Variants in DPP6 observed in about 807,000 individuals in gnomAD.
DPP6 encodes dipeptidyl peptidase like 6.
DPP6 carries 69 observed loss-of-function variants against 122.6 expected under a neutral mutation model. The observed-to-expected ratio is 0.56, with a 90% CI of 0.46 to 0.69. DPP6 has a LOEUF of 0.69. DPP6 is among the 30% of genes least tolerant of loss of function. DPP6 has a pLI of 0.00. For synonymous variants in DPP6, 418 were observed against 433.1 expected, an observed-to-expected ratio of 0.97 and a Z score of 0.43; for missense variants, 928 against 1,116.9, an observed-to-expected ratio of 0.83 and a Z score of 2.41.
chr7:154,180,967 A>G (rs1798054317), intron 1 of DPP6, among the ~76,000 whole-genome samples: 1 of 152,210 alleles, frequency 6.6e-6, no homozygotes, highest in Non-Finnish European at 1.5e-5. Flanking sequence ...GACTCTTTAA[A>G]GAGGAAATAC....
At position 154,540,764 on chromosome 7, in the gene DPP6, C is replaced by T. The variant is rs368134781; in HGVS notation, c.552+138C>T. 6.6e-4 allele frequency: 375 copies of T among 569,474 alleles called. 6 individuals are homozygous for T. The South Asian group carries it at 6.6e-3, about 10-fold the overall frequency. The allele number at this position is 569,474 out of a possible 1,614,324, so 35.3% of individuals were successfully genotyped here. ...ACTTGTAATACTACAGGCTGAGCAA[C>T]CAAAGATAATGTGAAATTGAAACCA... On this transcript the variant is annotated intron_variant, in intron 4 of 25. Coordinates refer to ENST00000377770, the MANE Select transcript of DPP6 (RefSeq NM_130797.4).
At chr7:153,947,882 C>T (rs1234339320) in intron 1 of DPP6, among the ~76,000 whole-genome samples, 2 of 152,158 alleles carry the variant, frequency 1.3e-5, no homozygotes, top group Non-Finnish European at 2.9e-5. Context: ...GTCCTTCCTG[C>T]GCCTGACACT....
At position 154,640,174 on chromosome 7, in the gene DPP6, C is replaced by T. The variant is rs190070326; in HGVS notation, c.680+2301C>T. On this transcript the variant is annotated intron_variant, in intron 6 of 25. Coordinates refer to ENST00000377770, the MANE Select transcript of DPP6 (RefSeq NM_130797.4). ...GGCTGAGGCAGGAGAATCGCTTGAACCTGGGAGGCTAGAGGTTGCAGTGAG... is the reference window on the plus strand; with the variant it reads ...GGCTGAGGCAGGAGAATCGCTTGAATCTGGGAGGCTAGAGGTTGCAGTGAG... 7.6e-4 allele frequency among the ~76,000 whole-genome samples: 116 copies of T among 152,272 alleles called. 1 individual carries two copies. In the East Asian group the frequency reaches 0.013, roughly 17 times the overall value.
intron 1 of DPP6, among the ~76,000 whole-genome samples, chr7:154,407,205 T>C (rs936604657): frequency 6.6e-6 from 1 of 152,214 alleles, no homozygotes; most frequent in Non-Finnish European, 1.5e-5. Flanking sequence ...TTCCTCCCCA[T>C]GTTTAAATTT....
chr7:154,282,308 T>G lies in DPP6; in HGVS notation c.244-163906T>G, dbSNP rs1042241921. ...ATTCAATAGCCTGCATGCAGGGACATGCTTCTCAGGTGGCCTCTGGATACA... is the reference window on the plus strand; with the variant it reads ...ATTCAATAGCCTGCATGCAGGGACAGGCTTCTCAGGTGGCCTCTGGATACA... On this transcript the variant is annotated intron_variant, in intron 1 of 25. Coordinates refer to ENST00000377770, the MANE Select transcript of DPP6 (RefSeq NM_130797.4). The surrounding 1 kb of genome is among the most constrained non-coding windows in gnomAD (Gnocchi z 4.8). 2.0e-5 allele frequency among the ~76,000 whole-genome samples: 3 copies of G among 152,184 alleles called. No homozygotes were observed. Among genetic ancestry groups the G allele is most frequent in the Non-Finnish European group, 4.4e-5 (3 of 68,030 alleles).
chr7:154,512,371 T>C (rs1826159103), intron 3 of DPP6, among the ~76,000 whole-genome samples: 1 of 152,216 alleles, frequency 6.6e-6, no homozygotes, highest in East Asian at 1.9e-4. Context: ...CGCTGTATTA[T>C]TTTTCATGAC....
At chr7:154,787,915 G>A (rs1411292492) in intron 10 of DPP6, among the ~76,000 whole-genome samples, 1 of 151,574 alleles carries the variant, frequency 6.6e-6, no homozygotes, top group Non-Finnish European at 1.5e-5. Context: ...GCTATGTTTT[G>A]TTTTTAGCCT....
intron 3 of DPP6, among the ~76,000 whole-genome samples, chr7:154,493,182 C>G (rs2151390816): frequency 6.6e-6 from 1 of 152,124 alleles, no homozygotes; most frequent in African/African-American, 2.4e-5. Context: ...TGAGCTAGAG[C>G]CAGATCTCCT....
intron 1 of DPP6, among the ~76,000 whole-genome samples, chr7:154,170,707 G>A (rs1320875024): frequency 1.3e-5 from 2 of 152,222 alleles, no homozygotes; most frequent in African/African-American, 4.8e-5. Flanking sequence ...CCCTGGTATG[G>A]GAAGGGAAGG....
At chr7:154,567,815 C>G (rs1481564278) in intron 5 of DPP6, among the ~76,000 whole-genome samples, 1 of 152,166 alleles carries the variant, frequency 6.6e-6, no homozygotes, top group Non-Finnish European at 1.5e-5. Flanking sequence ...ATGAGACAGT[C>G]AAGCTTTTTG....
chr7:154,541,283 G>A (rs533722495), intron 4 of DPP6, among the ~76,000 whole-genome samples: 7 of 152,176 alleles, frequency 4.6e-5, no homozygotes, highest in African/African-American at 7.2e-5. Context: ...GGCGTGTGCC[G>A]CCGTGCCCAG....
rs538547132 is a variant in DPP6, at chr7:153,977,770, T to C, written c.51+90036T>C. ...CCCTCACTGTGCCCATTTGTTCTCATTGTTCAACTCCCACCTATGAGTGAG... is the reference window on the plus strand; with the variant it reads ...CCCTCACTGTGCCCATTTGTTCTCACTGTTCAACTCCCACCTATGAGTGAG... On this transcript the variant is annotated intron_variant, in intron 1 of 25. Coordinates refer to the DPP6 transcript ENST00000404039. 3.3e-5 allele frequency among the ~76,000 whole-genome samples: 5 copies of C among 152,072 alleles called. No individual in the cohort carries two copies. In the East Asian group the frequency reaches 7.8e-4, roughly 24 times the overall value.
At chr7:154,249,154 CAA>C (rs1039664940) in intron 1 of DPP6, among the ~76,000 whole-genome samples, 3 of 152,142 alleles carry the variant, frequency 2.0e-5, no homozygotes, top group Admixed American at 2.0e-4. Flanking sequence ...CAGATTATGA[CAA>C]AGCACTGGTG....
chr7:154,719,071 T>G (rs1391848324), intron 7 of DPP6, among the ~76,000 whole-genome samples: 1 of 152,204 alleles, frequency 6.6e-6, no homozygotes, highest in Non-Finnish European at 1.5e-5. Context: ...TATTCTACTT[T>G]CCATATGTTT....
At chr7:154,500,545 G>A (rs754556224) in intron 3 of DPP6, among the ~76,000 whole-genome samples, 50 of 152,226 alleles carry the variant, frequency 3.3e-4, no homozygotes, top group Non-Finnish European at 4.7e-4. Context: ...TCCTGATAGC[G>A]AATGAGTCTC....
At chr7:153,757,343 G>C in the DPP6 span, among the ~76,000 whole-genome samples, 4 of 152,172 alleles carry the variant, frequency 2.6e-5, no homozygotes, top group Non-Finnish European at 1.5e-5. Flanking sequence ...TGTGCGCACA[G>C]CAGAACAAGT....
At chr7:154,437,222 A>G (rs1411185993) in intron 1 of DPP6, among the ~76,000 whole-genome samples, 2 of 152,194 alleles carry the variant, frequency 1.3e-5, no homozygotes, top group Non-Finnish European at 2.9e-5. Flanking sequence ...TTTCCATTAT[A>G]CTGGATTATG....
At chr7:154,779,086 A>C (rs1056576895) in intron 10 of DPP6, among the ~76,000 whole-genome samples, 5 of 5,370 alleles carry the variant, frequency 9.3e-4, no homozygotes, top group Admixed American at 2.8e-3. Flanking sequence ...TCACCTCCAC[A>C]ACCTCTACCA....
intron 16 of DPP6, among the ~76,000 whole-genome samples, chr7:154,840,548 G>A (rs920228541): frequency 7.2e-5 from 11 of 152,304 alleles, no homozygotes; most frequent in Non-Finnish European, 1.2e-4. Flanking sequence ...ATTTGTACAC[G>A]CAAGCGTTGT....
Sources: gnomAD v4.1 joint callset for allele counts (sites outside exome capture counted in the v4.1 genomes callset) on GRCh38, gnomAD v4.1.1 for gene constraint, Gnocchi (gnomAD v3.1) non-coding constraint, MANE v1.5 for transcripts, NCBI Gene and HGNC (gene_info 2026-07-23, HGNC 2026-07-21) for gene names.